Variants in BRCA2 observed in about 807,000 individuals in gnomAD.
The protein encoded by BRCA2 is breast cancer type 2 susceptibility protein.
A neutral mutation model predicts 276.7 loss-of-function variants in BRCA2; 203 were observed. The ratio of observed to expected loss-of-function variants is 0.73; its 90% CI spans 0.65 to 0.82. The LOEUF is 0.82. Among genes scored for constraint, BRCA2 ranks in the 40% least tolerant of loss-of-function variants. The pLI, the probability that BRCA2 is intolerant of heterozygous loss-of-function variation, is 0.00. For missense variants in BRCA2, 3,920 were observed against 3,915.0 expected (o/e 1.00, Z -0.03); for synonymous variants, 1,289 against 1,338.4 (o/e 0.96, Z 0.81).
Position 32,339,428 on chromosome 13 carries a change from A to G in BRCA2, c.5073A>G (p.Lys1691=), listed in dbSNP as rs760482209. 2 of 1,593,234 alleles carry G rather than the reference A, an allele frequency of 1.3e-6. No homozygotes were observed. Among genetic ancestry groups the G allele is most frequent in the East Asian group, 4.5e-5 (2 of 44,642 alleles). The stretch of plus-strand genomic sequence containing the variant: ...AGACTTCATTACTTGAAGCAAAAAA[A>G]TGGCTTAGAGAAGGAATATTTGATG... The part of the protein sequence containing the change: ...VSQTSLLEAK[K]WLREGIFDGQ... The change falls in exon 11 of 27, where the codon AAA becomes AAG. Residue 1691 remains lysine (K), a synonymous_variant. Transcript: ENST00000380152.
intron 8 of BRCA2, among the ~76,000 whole-genome samples, chr13:32,330,162 A>T (rs11571631): frequency 2.0e-5 from 3 of 152,274 alleles, no homozygotes; most frequent in Admixed American, 1.3e-4. Context: ...TTTAGGCTCT[A>T]TGCTTTCTGG....
In BRCA2 at chr13:32,326,627, A is replaced by G. The variant is rs2137453139; in HGVS notation, c.631+14A>G. 1 of 1,549,536 alleles carries G rather than the reference A, an allele frequency of 6.5e-7. No homozygotes were observed. The highest frequency in any genetic ancestry group is 8.9e-7 in the Non-Finnish European group (1 of 1,123,046). ...CTGTGCTCATAGGTAATAATAGCAA[A>G]TGTGTATTTACAAGAAAGAGCAGAT... is the stretch of plus-strand genomic sequence containing the variant. On this transcript the variant is annotated intron_variant, in intron 7 of 26. Transcript: ENST00000380152.
chr13:32,389,574 C>A (rs1010023814), intron 24 of BRCA2, among the ~76,000 whole-genome samples: 1 of 152,130 alleles, frequency 6.6e-6, no homozygotes. Context: ...ATAATTCTTT[C>A]TTTCAGTACT....
rs543172402 is a variant in BRCA2 at position 32,339,152 on chromosome 13, T to C, written c.4797T>C (p.Asn1599=). 6.2e-7 allele frequency: 1 copy of C among 1,613,998 alleles called. No individual in the cohort carries two copies. The highest frequency in any genetic ancestry group is 1.3e-5 in the African/African-American group (1 of 75,050). The change falls in exon 11 of 27, where the codon AAT becomes AAC. Residue 1599 remains asparagine, a synonymous_variant. Transcript: ENST00000380152. ...PKCKEMQNSL[N]NDKNLVSIET... The stretch of plus-strand genomic sequence containing the variant: ...GTAAAGAAATGCAGAATTCTCTCAA[T>C]AATGATAAAAACCTTGTTTCTATTG...
chr13:32,333,105 C>A lies in BRCA2; in HGVS notation c.1627C>A (p.His543Asn), dbSNP rs80358446. The A allele has an allele frequency of 4.3e-6, 7 of 1,613,860 alleles. No individual in the cohort carries two copies. The highest frequency in any genetic ancestry group is 3.3e-4 in the Middle Eastern group (2 of 6,062). Residue 543 changes from histidine to asparagine, a missense_variant, in exon 10 of 27, where the codon CAT becomes AAT. Transcript: ENST00000380152. ...TEASESGLEI[H>N]TVCSQKEDSL... ...AGCCTCTGAAAGTGGACTGGAAATA[C>A]ATACTGTTTGCTCACAGAAGGAGGA... is the stretch of plus-strand genomic sequence containing the variant.
At position 32,340,198 on chromosome 13, in the gene BRCA2, G is replaced by T. The variant is rs757148516; in HGVS notation, c.5843G>T (p.Cys1948Phe). 6.2e-7 allele frequency: 1 copy of T among 1,613,772 alleles called. No homozygotes were observed. Among genetic ancestry groups the T allele is most frequent in the Non-Finnish European group, 8.5e-7 (1 of 1,179,764 alleles). Reference protein sequence around the residue: ...GLEKVSKISPCDVSLETSDIC... With the variant: ...GLEKVSKISPFDVSLETSDIC... Reference sequence around the variant, plus strand: ...GAGAAAGTTTCTAAAATATCACCTTGTGATGTTAGTTTGGAAACTTCAGAT... The same window carrying T: ...GAGAAAGTTTCTAAAATATCACCTTTTGATGTTAGTTTGGAAACTTCAGAT... The change falls in exon 11 of 27, where the codon TGT (cysteine) becomes TTT (phenylalanine). Residue 1948 changes from cysteine (C) to phenylalanine (F), a missense_variant. Transcript: ENST00000380152.
At position 32,341,032 on chromosome 13, in the gene BRCA2, A is replaced by G. The variant is rs1281267586; in HGVS notation, c.6677A>G (p.Glu2226Gly). 6.2e-7 allele frequency: 1 copy of G among 1,613,852 alleles called. No individual in the cohort carries two copies. Among genetic ancestry groups the G allele is most frequent in the African/African-American group, 1.3e-5 (1 of 75,054 alleles). ...GATTCAGAAAACTACTTTGAAACAGAAGCAGTAGAAATTGCTAAAGCTTTT... is the reference window on the plus strand; with the variant it reads ...GATTCAGAAAACTACTTTGAAACAGGAGCAGTAGAAATTGCTAAAGCTTTT... Reference protein sequence around the residue: ...SKDSENYFETEAVEIAKAFME... With the variant: ...SKDSENYFETGAVEIAKAFME... Residue 2226 changes from glutamate to glycine, a missense_variant, in exon 11 of 27, where the codon GAA becomes GGA. Glu to Gly is a moderately conservative substitution (Grantham distance 98, BLOSUM62 -2). This residue lies in a region of BRCA2 where 3,263 missense variants were observed against 3,156.9 expected (regional missense o/e 1.03). Transcript: ENST00000380152.
At chr13:32,342,038 G>A (rs995634890) in intron 11 of BRCA2, among the ~76,000 whole-genome samples, 39 of 152,120 alleles carry the variant, frequency 2.6e-4, no homozygotes, top group African/African-American at 7.7e-4. Context: ...TTGGGAGGCC[G>A]AGGTGGGTGG....
In BRCA2 at chr13:32,340,684, A is replaced by G. The variant is rs80358873; in HGVS notation, c.6329A>G (p.Asp2110Gly). The G allele has an allele frequency of 1.2e-6, 2 of 1,608,918 alleles. No homozygotes were observed. Among genetic ancestry groups the G allele is most frequent in the African/African-American group, 1.3e-5 (1 of 74,464 alleles). Reference protein sequence around the residue: ...QNVSKILPRVDKRNPEHCVNS... With the variant: ...QNVSKILPRVGKRNPEHCVNS... ...GTATCAAAAATACTTCCTCGTGTTG[A>G]TAAGAGAAACCCAGAGCACTGTGTA... is the stretch of plus-strand genomic sequence containing the variant. The change falls in exon 11 of 27, where the codon GAT (aspartate) becomes GGT (glycine). Residue 2110 changes from aspartate to glycine, a missense_variant. By Grantham distance (94) the Asp-to-Gly change is moderately conservative (BLOSUM62 -1). Transcript: ENST00000380152.
chr13:32,354,789 C>A, intron 13 of BRCA2, 72 bp from the exon 14 acceptor site: 3 of 1,087,790 alleles, frequency 2.8e-6, no homozygotes, highest in Non-Finnish European at 4.2e-6. Context: ...TGAGGGTCTG[C>A]AACAAAGGCA....
rs730881566 is a variant in BRCA2, at chr13:32,376,745, A to G, written c.8708A>G (p.Glu2903Gly). 1 of 1,614,038 alleles carries G rather than the reference A, an allele frequency of 6.2e-7. No individual in the cohort carries two copies. Among genetic ancestry groups the G allele is most frequent in the Admixed American group, 1.7e-5 (1 of 59,998 alleles). Residue 2903 changes from glutamate (E) to glycine (G), a missense_variant, in exon 21 of 27, where the codon GAG becomes GGG. This residue lies in a region of BRCA2 where 657 missense variants were observed against 758.2 expected (regional missense o/e 0.87). Transcript: ENST00000380152. ...GTTCGTGCTTTGCAAGATGGTGCAG[A>G]GCTTTATGAAGCAGTGAAGAATGCA... ...QQVRALQDGA[E>G]LYEAVKNAAD...
chr13:32,368,001 C>CTTTTTTTTTTTTTTTTTT lies in BRCA2; in HGVS notation c.8332-2382_8332-2365dup, dbSNP rs71071031. ...ATTAGGGTTGTCTTTTCTTCTAATT[C>CTTTTTTTTTTTTTTTTTT]TTTTTTTTTTTTTTTTTTTTTTTTT... On this transcript the variant is annotated intron_variant, in intron 18 of 26. Coordinates refer to ENST00000380152, the MANE Select transcript of BRCA2 (RefSeq NM_000059.4). Among the ~76,000 whole-genome samples the CTTTTTTTTTTTTTTTTTT allele has an allele frequency of 9.9e-5, 5 of 50,730 alleles. 2 individuals are homozygous for CTTTTTTTTTTTTTTTTTT. The highest frequency in any genetic ancestry group is 6.7e-4 in the Admixed American group (2 of 2,978). 33.3% of individuals were successfully genotyped at this position (50,730 alleles called of 152,430 possible). A position where few individuals can be genotyped will look rare whatever the true frequency, so the allele number is the denominator to read the frequency against.
chr13:32,343,004 G>A (rs527599519), intron 11 of BRCA2, among the ~76,000 whole-genome samples: 5 of 151,366 alleles, frequency 3.3e-5, no homozygotes, highest in South Asian at 2.1e-4. Context: ...AGCCAAGATC[G>A]CACCACTGCA....
rs549158151 is a variant in BRCA2 at position 32,385,220 on chromosome 13, G to T, written c.9256+5075G>T. The T allele has an allele frequency of 2.9e-3, 551 of 191,968 alleles. 2 individuals are homozygous for T. The highest frequency in any genetic ancestry group is 3.1e-3 in the Non-Finnish European group (279 of 89,860). The allele number at this position is 191,968 out of a possible 1,614,324, so 11.9% of individuals were successfully genotyped here. A position where few individuals can be genotyped will look rare whatever the true frequency, so the allele number is the denominator to read the frequency against. On this transcript the variant is annotated intron_variant, in intron 24 of 26. Coordinates refer to ENST00000380152, the MANE Select transcript of BRCA2 (RefSeq NM_000059.4). Reference sequence around the variant, plus strand: ...ACTGGGTATGAAATCACCGCCTGTCGCCTGGATGGCTTTAAATTAGCAACG... The same window carrying T: ...ACTGGGTATGAAATCACCGCCTGTCTCCTGGATGGCTTTAAATTAGCAACG...
intron 16 of BRCA2, among the ~76,000 whole-genome samples, 162 bp downstream of exon 16, chr13:32,358,091 G>A (rs1174467206): frequency 6.6e-6 from 1 of 152,156 alleles, no homozygotes; most frequent in East Asian, 1.9e-4. Flanking sequence ...GAAGTCTTTT[G>A]AAAAGTGCTG....
At chr13:32,396,778 AG>A (rs1184564229) in intron 25 of BRCA2, 119 bp from the exon 26 acceptor site, 1 of 1,249,362 alleles carries the variant, frequency 8.0e-7, no homozygotes, top group African/African-American at 1.5e-5. Context: ...TATCACATTT[AG>A]GGTTTTTCAT....
intron 24 of BRCA2, among the ~76,000 whole-genome samples, chr13:32,380,805 G>A (rs2072920082): frequency 6.6e-6 from 1 of 151,848 alleles, no homozygotes; most frequent in Admixed American, 6.6e-5. Context: ...CTCCCAAAGT[G>A]CTGGGATTAC....
rs80359728 is a variant in BRCA2, at chr13:32,379,315, AG to A, written c.8756del. Reference sequence around the variant, plus strand: ...TTATTCCAATATCTTAAATGGTCACAGGGTTATTTCAGTGAAGAGCAGTTAA... The same window carrying A: ...TTATTCCAATATCTTAAATGGTCACAGGTTATTTCAGTGAAGAGCAGTTAA... On this transcript the variant is annotated splice_acceptor_variant, in intron 21 of 26. Transcript: ENST00000380152. LOFTEE classifies it high-confidence loss of function. 1 of 1,613,402 alleles carries A rather than the reference AG, an allele frequency of 6.2e-7. No individual in the cohort carries two copies. The highest frequency in any genetic ancestry group is 1.7e-4 in the Middle Eastern group (1 of 6,058).
chr13:32,394,651 A>C, intron 24 of BRCA2, 38 bp from the exon 25 acceptor site: 2 of 1,598,032 alleles, frequency 1.3e-6, no homozygotes, highest in Non-Finnish European at 1.7e-6. Flanking sequence ...CATCTAACAC[A>C]TCTATAATAA....
Sources: allele counts gnomAD v4.1 joint callset (sites outside exome capture counted in the v4.1 genomes callset), GRCh38; gene constraint gnomAD v4.1.1; regional missense constraint gnomAD v4.1.1; transcripts MANE v1.5; gene names NCBI Gene and HGNC (gene_info 2026-07-23, HGNC 2026-07-21).